The following EIF2AK4 variants were observed in gnomAD, a reference collection of about 807,000 sequenced individuals.
EIF2AK4 encodes the protein eIF-2-alpha kinase GCN2.
A neutral mutation model predicts 211.1 loss-of-function variants in EIF2AK4; 139 were observed. The ratio of observed to expected loss-of-function variants is 0.66; its 90% CI spans 0.57 to 0.76. The LOEUF (loss-of-function observed/expected upper bound fraction) is 0.76. EIF2AK4 is among the 30% of genes least tolerant of loss of function. The pLI is 0.00. For synonymous variants in EIF2AK4, 710 were observed against 751.3 expected, an observed-to-expected ratio of 0.94 and a Z score of 0.90; for missense variants, 1,664 against 2,043.8, an observed-to-expected ratio of 0.81 and a Z score of 3.58.
At chr15:39,995,168 A>G (rs980081556) in intron 18 of EIF2AK4, among the ~76,000 whole-genome samples, 5 of 152,108 alleles carry the variant, frequency 3.3e-5, no homozygotes, top group African/African-American at 9.7e-5. Flanking sequence ...TTAAAAAACC[A>G]AAGTGGGGGC....
At chr15:39,984,719 C>CT (rs1257062824) in intron 13 of EIF2AK4, among the ~76,000 whole-genome samples, 1 of 152,200 alleles carries the variant, frequency 6.6e-6, no homozygotes, top group East Asian at 1.9e-4. Flanking sequence ...TGAGACTTTG[C>CT]TGAAGTTGCT....
intron 19 of EIF2AK4, 123 bp from the exon 20 acceptor site, chr15:39,998,608 A>G: frequency 1.5e-6 from 1 of 687,028 alleles, no homozygotes; most frequent in Non-Finnish European, 2.5e-6. Context: ...TCAAGAAGGT[A>G]TCACCTATCT....
chr15:39,971,387 G>A lies in EIF2AK4; in HGVS notation c.1554-1521G>A, dbSNP rs749148812. Among the ~76,000 whole-genome samples the A allele has an allele frequency of 1.6e-3, 242 of 152,260 alleles. 1 individual carries two copies. Among genetic ancestry groups the A allele is most frequent in the Middle Eastern group, 3.4e-3 (1 of 294 alleles). On this transcript the variant is annotated intron_variant, in intron 9 of 38. Transcript: ENST00000263791. ...AAAAAGACAAAAATTAGCCATGCAT[G>A]GTGACACTCACCTGTAATCCCAGCT...
At chr15:40,020,809 C>T (rs1462847328) in intron 30 of EIF2AK4, 90 bp from the exon 31 acceptor site, 1 of 1,257,122 alleles carries the variant, frequency 8.0e-7, no homozygotes. Flanking sequence ...CCCATCTTCC[C>T]AAGAGTGCTG....
At chr15:40,017,566 A>C in intron 29 of EIF2AK4, among the ~76,000 whole-genome samples, 1 of 91,056 alleles carries the variant, frequency 1.1e-5, no homozygotes, top group Non-Finnish European at 2.2e-5. Context: ...TATTTTGGAG[A>C]CAGGGCCTTG....
At chr15:39,944,506 A>G (rs2034197205) in intron 3 of EIF2AK4, among the ~76,000 whole-genome samples, 2 of 139,216 alleles carry the variant, frequency 1.4e-5, no homozygotes, top group Non-Finnish European at 3.0e-5. Flanking sequence ...ATCTCGGCTC[A>G]CTGCAAGCTC....
chr15:40,021,153 G>C (rs944424205), intron 31 of EIF2AK4, 126 bp downstream of exon 31: 1 of 1,108,746 alleles, frequency 9.0e-7, no homozygotes, highest in South Asian at 2.0e-5. Flanking sequence ...TCCTGTGTTA[G>C]TTTCTGATTG....
Position 40,035,109 on chromosome 15 carries a change from A to C in EIF2AK4, c.*25A>C. ...ACCCTAAAGAACTGTCGTTAACCTC[A>C]TTCAAACAGACAGAGGCTTATACTG... On this transcript the variant is annotated 3_prime_UTR_variant, in exon 39 of 39. Transcript: ENST00000263791. The C allele has an allele frequency of 6.7e-7, 1 of 1,487,906 alleles. No individual in the cohort carries two copies. The highest frequency in any genetic ancestry group is 9.1e-7 in the Non-Finnish European group (1 of 1,094,214). The allele number at this position is 1,487,906 out of a possible 1,614,324, so 92.2% of individuals were successfully genotyped here.
At position 40,001,066 on chromosome 15, in the gene EIF2AK4, C is replaced by CT. The variant is rs759221891; in HGVS notation, c.3002dup (p.Pro1002AlafsTer12). 1.2e-6 allele frequency: 2 copies of CT among 1,614,120 alleles called. No individual in the cohort carries two copies. The highest frequency in any genetic ancestry group is 2.7e-5 in the African/African-American group (2 of 74,938). On this transcript the variant is annotated frameshift_variant, in exon 21 of 39. Transcript: ENST00000263791. LOFTEE classifies it high-confidence loss of function. ...CACAGAACTGCTCAAGAGTGAGCTG[C>CT]TGCCCCCACCCCAGATGGAGGAGTC...
intron 27 of EIF2AK4, among the ~76,000 whole-genome samples, chr15:40,012,496 G>T (rs1171164882): frequency 1.3e-5 from 2 of 152,174 alleles, no homozygotes; most frequent in African/African-American, 4.8e-5. Context: ...ACAATATACA[G>T]TATTTACATA....
At chr15:40,013,486 A>G (rs1464227430) in intron 27 of EIF2AK4, among the ~76,000 whole-genome samples, 2 of 152,138 alleles carry the variant, frequency 1.3e-5, no homozygotes, top group African/African-American at 2.4e-5. Flanking sequence ...AGGCCTCACA[A>G]TCATGGCAGA....
At chr15:40,019,265 C>A in intron 30 of EIF2AK4, 65 bp downstream of exon 30, 1 of 1,304,190 alleles carries the variant, frequency 7.7e-7, no homozygotes, top group Non-Finnish European at 1.0e-6. Flanking sequence ...GTATGATTTG[C>A]CTTTTGCAGT....
chr15:39,961,016 G>A (rs2034464130), intron 6 of EIF2AK4, among the ~76,000 whole-genome samples: 1 of 152,150 alleles, frequency 6.6e-6, no homozygotes, highest in African/African-American at 2.4e-5. Flanking sequence ...ACCATCAAGA[G>A]CTCTCTCCCT....
chr15:40,032,136 A>C (rs762718791), intron 35 of EIF2AK4, 33 bp from the exon 36 acceptor site: 1 of 1,561,324 alleles, frequency 6.4e-7, no homozygotes, highest in Non-Finnish European at 8.8e-7. Flanking sequence ...GCTTGGTTTA[A>C]CATGTTCTGA....
rs2034890819 is a variant in EIF2AK4, at chr15:39,988,082, G to A, written c.2503G>A (p.Gly835Arg). The A allele has an allele frequency of 3.7e-6, 6 of 1,614,040 alleles. No homozygotes were observed. Among genetic ancestry groups the A allele is most frequent in the Non-Finnish European group, 5.1e-6 (6 of 1,179,974 alleles). ...GAGGCTTTTTCGAGAGATTCTGGAT[G>A]GATTAGCTTATATCCATGAGAAAGT... ...LWRLFREILDGLAYIHEKGMI... is the reference protein window; with the variant it reads ...LWRLFREILDRLAYIHEKGMI... The change falls in exon 15 of 39, where the codon GGA becomes AGA. Residue 835 changes from glycine (G) to arginine (R), a missense_variant. Gly to Arg is a moderately radical substitution (Grantham distance 125, BLOSUM62 -2). This residue lies in a region of EIF2AK4 where 622 missense variants were observed against 796.8 expected (regional missense o/e 0.78). Coordinates refer to ENST00000263791, the MANE Select transcript of EIF2AK4 (RefSeq NM_001013703.4).
Position 40,008,035 on chromosome 15 carries a change from T to C in EIF2AK4, c.3416T>C (p.Ile1139Thr), listed in dbSNP as rs1305852318. ...NNILNLKRYC[I>T]ERVFRPRKLD... is the part of the protein sequence containing the mutation. ...TGGGTTTCTCTCTCCAGATACTGCA[T>C]AGAACGTGTGTTCAGGCCGCGCAAG... is the stretch of plus-strand genomic sequence containing the variant. Residue 1139 changes from isoleucine (I) to threonine (T), a missense_variant, in exon 25 of 39, where the codon ATA (isoleucine) becomes ACA (threonine). Physicochemically the swap from Ile to Thr is moderately conservative, Grantham distance 89. Transcript: ENST00000263791. The C allele has an allele frequency of 1.9e-6, 3 of 1,595,320 alleles. No individual in the cohort carries two copies. Among genetic ancestry groups the C allele is most frequent in the African/African-American group, 1.3e-5 (1 of 74,104 alleles).
At chr15:39,945,375 T>G (rs1386895237) in intron 3 of EIF2AK4, among the ~76,000 whole-genome samples, 1 of 152,166 alleles carries the variant, frequency 6.6e-6, no homozygotes, top group Non-Finnish European at 1.5e-5. Flanking sequence ...GAAGATCAAA[T>G]TAGCCACCAC....
intron 34 of EIF2AK4, 67 bp from the exon 35 acceptor site, chr15:40,030,292 C>G: frequency 6.8e-7 from 1 of 1,471,338 alleles, no homozygotes; most frequent in Non-Finnish European, 9.4e-7. Flanking sequence ...TCTGCCATCT[C>G]TCTGTAGTAT....
chr15:40,004,052 G>T (rs763128834), intron 23 of EIF2AK4, among the ~76,000 whole-genome samples: 9 of 152,154 alleles, frequency 5.9e-5, no homozygotes, highest in Non-Finnish European at 1.3e-4. Flanking sequence ...GAAGTGCAAA[G>T]CTGTCTCAAC....
Sources: allele counts gnomAD v4.1 joint callset (sites outside exome capture counted in the v4.1 genomes callset), GRCh38; gene constraint gnomAD v4.1.1; regional missense constraint gnomAD v4.1.1; transcripts MANE v1.5; gene names NCBI Gene and HGNC (gene_info 2026-07-23, HGNC 2026-07-21).